Variants in BCKDK observed in about 807,000 individuals in gnomAD.
BCKDK encodes branched-chain alpha-ketoacid dehydrogenase kinase.
A neutral mutation model predicts 43.9 loss-of-function variants in BCKDK; 28 were observed. The observed-to-expected ratio is 0.64, with a 90% CI of 0.47 to 0.87. The LOEUF is 0.87. BCKDK is among the 40% of genes least tolerant of loss of function. BCKDK has a pLI of 0.00. For missense variants in BCKDK, 483 were observed against 581.4 expected (o/e 0.83, Z 1.74); for synonymous variants, 257 against 234.3 (o/e 1.10, Z -0.88).
Position 31,109,897 on chromosome 16 carries a change from G to A in BCKDK, c.375+114G>A, listed in dbSNP as rs1861982726. On this transcript the variant is annotated intron_variant, in intron 4 of 11. Transcript: ENST00000219794. The surrounding 1 kb of genome is among the most constrained non-coding windows in gnomAD (Gnocchi z 5.3). ...GCCTAAAGGTGTCAGGGCCACACAG[G>A]ATTCAACCCCAGGCCTTCAGAAGCC... 1 of 1,380,084 alleles carries A rather than the reference G, an allele frequency of 7.2e-7. No individual in the cohort carries two copies. Among genetic ancestry groups the A allele is most frequent in the Admixed American group, 1.9e-5 (1 of 53,764 alleles). The allele number at this position is 1,380,084 out of a possible 1,614,324, so 85.5% of individuals were successfully genotyped here.
In BCKDK at chr16:31,110,948, C is replaced by T. The variant is rs1416402939; in HGVS notation, c.717-143C>T. The T allele has an allele frequency of 1.4e-6, 2 of 1,406,096 alleles. No individual in the cohort carries two copies. The highest frequency in any genetic ancestry group is 4.1e-5 in the Admixed American group (2 of 49,186). The allele number at this position is 1,406,096 out of a possible 1,614,324, so 87.1% of individuals were successfully genotyped here. ...GCACGTTAGGAAGTTCAGCAGCATC[C>T]CTGGCGCCAGCAGTACTGCCTAGTT... On this transcript the variant is annotated intron_variant, in intron 8 of 11. Coordinates refer to ENST00000219794, the MANE Select transcript of BCKDK (RefSeq NM_005881.4). This position sits in a 1 kb window ranked among gnomAD's most constrained non-coding sequence, Gnocchi z 5.4.
downstream of BCKDK, among the ~76,000 whole-genome samples, chr16:31,114,315 C>T (rs1006145517): frequency 2.3e-5 from 3 of 128,444 alleles, no homozygotes; most frequent in Non-Finnish European, 4.8e-5. Flanking sequence ...CAGGTTCAAG[C>T]GATTCTCCTG....
At chr16:31,114,298 C>A (rs112221487), downstream of BCKDK, among the ~76,000 whole-genome samples, 2 of 148,810 alleles carry the variant, frequency 1.3e-5, no homozygotes, top group African/African-American at 2.5e-5. Flanking sequence ...CCACCCCCCC[C>A]CAACCCCAGG....
In BCKDK at chr16:31,110,671, CT is replaced by C; in HGVS notation, c.643-16del. The C allele has an allele frequency of 6.2e-7, 1 of 1,613,908 alleles. No homozygotes were observed. The highest frequency in any genetic ancestry group is 8.5e-7 in the Non-Finnish European group (1 of 1,179,838). On this transcript the variant is annotated splice_polypyrimidine_tract_variant and intron_variant, in intron 7 of 11. Coordinates refer to ENST00000219794, the MANE Select transcript of BCKDK (RefSeq NM_005881.4). This position sits in a 1 kb window ranked among gnomAD's most constrained non-coding sequence, Gnocchi z 5.4. Reference sequence around the variant, plus strand: ...GGCTAGGGGCGTGGGTAGTCCTGACCTCCTTTCTCCGGCCAGCCTGACTTTG... The same window carrying C: ...GGCTAGGGGCGTGGGTAGTCCTGACCCCTTTCTCCGGCCAGCCTGACTTTG...
chr16:31,111,760 C>T, intron 10 of BCKDK, 109 bp from the exon 11 acceptor site: 1 of 1,459,060 alleles, frequency 6.9e-7, no homozygotes, highest in South Asian at 1.3e-5. Context: ...GACCACATTC[C>T]AGCTCTGGGT....
chr16:31,109,434 GC>G lies in BCKDK; in HGVS notation c.195+18del. 1 of 1,612,016 alleles carries G rather than the reference GC, an allele frequency of 6.2e-7. No individual in the cohort carries two copies. The highest frequency in any genetic ancestry group is 1.1e-5 in the South Asian group (1 of 90,970). The stretch of plus-strand genomic sequence containing the variant: ...AGCGGAGAAGGTGCGCAAGGGGGCA[GC>G]CAGCCCAGGGTCCGGGATGTAGGCG... On this transcript the variant is annotated intron_variant, in intron 2 of 11. Coordinates refer to ENST00000219794, the MANE Select transcript of BCKDK (RefSeq NM_005881.4). This position sits in a 1 kb window ranked among gnomAD's most constrained non-coding sequence, Gnocchi z 5.3.
chr16:31,115,953 AG>A (rs1193577528), downstream of BCKDK: 1 of 152,160 alleles, frequency 6.6e-6, no homozygotes, highest in African/African-American at 2.4e-5. Flanking sequence ...TGACTCTCAC[AG>A]AACCCTCAGT....
chr16:31,111,846 C>T (rs1218091638), intron 10 of BCKDK, 23 bp from the exon 11 acceptor site: 1 of 1,613,592 alleles, frequency 6.2e-7, no homozygotes, highest in South Asian at 1.1e-5. Flanking sequence ...GAGCCAAGCC[C>T]ATTGTTGTTG....
Position 31,111,106 on chromosome 16 carries a change from C to T in BCKDK, c.732C>T (p.His244=), listed in dbSNP as rs1243672543. The T allele has an allele frequency of 3.0e-5, 49 of 1,614,152 alleles. No homozygotes were observed. Among genetic ancestry groups the T allele is most frequent in the Non-Finnish European group, 3.9e-5 (46 of 1,180,018 alleles). The change falls in exon 9 of 12, where the codon CAC becomes CAT. Residue 244 remains histidine (H), a synonymous_variant. Coordinates refer to ENST00000219794, the MANE Select transcript of BCKDK (RefSeq NM_005881.4). ...CTATCCGCAGACGCCTGTGTGAGCA[C>T]AAGTATGGCAATGCGCCCCGTGTCC... ...WVDFARRLCE[H]KYGNAPRVRI...
chr16:31,111,077 G>T lies in BCKDK; in HGVS notation c.717-14G>T. ...TGGAGGGGCCCCTGACTGAACCCTCGCTCCTATCCGCAGACGCCTGTGTGA... is the reference window on the plus strand; with the variant it reads ...TGGAGGGGCCCCTGACTGAACCCTCTCTCCTATCCGCAGACGCCTGTGTGA... On this transcript the variant is annotated splice_polypyrimidine_tract_variant and intron_variant, in intron 8 of 11. Coordinates refer to ENST00000219794, the MANE Select transcript of BCKDK (RefSeq NM_005881.4). The T allele has an allele frequency of 5.0e-6, 8 of 1,613,520 alleles. No individual in the cohort carries two copies. Among genetic ancestry groups the T allele is most frequent in the Non-Finnish European group, 6.8e-6 (8 of 1,179,870 alleles).
chr16:31,116,942 G>T, downstream of BCKDK, among the ~76,000 whole-genome samples: 1 of 99,172 alleles, frequency 1.0e-5, no homozygotes, highest in African/African-American at 3.6e-5. Context: ...GGGGGGGCGG[G>T]GAGCGACATT....
rs769054677 is a variant in BCKDK at position 31,112,048 on chromosome 16, G to A, written c.1094+21G>A. ...CACGGGTGAGACCCTGCCAGGCCAG[G>A]ATGGAGGGGTGGGGGACCCCAGGAG... On this transcript the variant is annotated intron_variant, in intron 11 of 11. Transcript: ENST00000219794. This position sits in a 1 kb window ranked among gnomAD's most constrained non-coding sequence, Gnocchi z 5.0. The A allele has an allele frequency of 3.3e-5, 53 of 1,613,544 alleles. No homozygotes were observed. The highest frequency in any genetic ancestry group is 4.5e-5 in the Non-Finnish European group (53 of 1,179,758).
chr16:31,111,415 G>A, intron 10 of BCKDK, 26 bp downstream of exon 10: 1 of 1,606,866 alleles, frequency 6.2e-7, no homozygotes, highest in Non-Finnish European at 8.5e-7. Flanking sequence ...GAGTTGAGCT[G>A]AGGTGGATGG....
downstream of BCKDK, chr16:31,117,358 G>A (rs1325831014): frequency 1.2e-5 from 1 of 86,106 alleles, no homozygotes; most frequent in Non-Finnish European, 2.6e-5. Context: ...GACAGAGCAT[G>A]ATTCCGTCTC....
In BCKDK at chr16:31,109,191, CT is replaced by C. The variant is rs747992653; in HGVS notation, c.-32del. 895 of 1,483,620 alleles carry C rather than the reference CT, an allele frequency of 6.0e-4. No homozygotes were observed. The highest frequency in any genetic ancestry group is 7.4e-4 in the Non-Finnish European group (829 of 1,121,722). The allele number at this position is 1,483,620 out of a possible 1,614,324, so 91.9% of individuals were successfully genotyped here. A position where few individuals can be genotyped will look rare whatever the true frequency, so the allele number is the denominator to read the frequency against. ...CCTCAGTCCTAGCGGATCCTCAGTCCTAGCGGCCACCGGGTCTGAAAGGAGC... is the reference window on the plus strand; with the variant it reads ...CCTCAGTCCTAGCGGATCCTCAGTCCAGCGGCCACCGGGTCTGAAAGGAGC... On this transcript the variant is annotated 5_prime_UTR_variant, in exon 2 of 12. Transcript: ENST00000219794. This position sits in a 1 kb window ranked among gnomAD's most constrained non-coding sequence, Gnocchi z 5.3.
At chr16:31,117,639 G>C, downstream of BCKDK, 1 of 1,356,794 alleles carries the variant, frequency 7.4e-7, no homozygotes, top group Non-Finnish European at 9.5e-7. Flanking sequence ...GGAGCCAAAA[G>C]AACTGCGTGG....
At position 31,111,160 on chromosome 16, in the gene BCKDK, C is replaced by T; in HGVS notation, c.786C>T (p.Phe262=). ...TCAATGGCCATGTGGCTGCCCGGTT[C>T]CCCTTCATCCCTATGCCACTGGACT... ...VRINGHVAAR[F]PFIPMPLDYI... The change falls in exon 9 of 12, where the codon TTC becomes TTT. Residue 262 remains phenylalanine (F), a synonymous_variant. Coordinates refer to ENST00000219794, the MANE Select transcript of BCKDK (RefSeq NM_005881.4). The T allele has an allele frequency of 6.2e-7, 1 of 1,614,170 alleles. No individual in the cohort carries two copies. The highest frequency in any genetic ancestry group is 8.5e-7 in the Non-Finnish European group (1 of 1,180,022).
chr16:31,114,844 G>A (rs941939481), downstream of BCKDK, among the ~76,000 whole-genome samples: 1 of 152,238 alleles, frequency 6.6e-6, no homozygotes, highest in Non-Finnish European at 1.5e-5. Flanking sequence ...CAGATATGAA[G>A]TCAGCTCTTC....
chr16:31,109,316 G>C lies in BCKDK; in HGVS notation c.93G>C (p.Ser31=). 6.2e-7 allele frequency: 1 copy of C among 1,608,298 alleles called. No individual in the cohort carries two copies. The highest frequency in any genetic ancestry group is 8.5e-7 in the Non-Finnish European group (1 of 1,177,390). The change falls in exon 2 of 12, where the codon TCG becomes TCC. Residue 31 remains serine, a synonymous_variant. Transcript: ENST00000219794. The surrounding 1 kb of genome is among the most constrained non-coding windows in gnomAD (Gnocchi z 5.3). ...LGPALALRAR[S]TSATDTHHVE... ...CCGCACTCGCGCTCCGGGCCCGCTC[G>C]ACGTCGGCCACCGACACACACCACG...
Sources: gnomAD v4.1 joint callset for allele counts (sites outside exome capture counted in the v4.1 genomes callset) on GRCh38, gnomAD v4.1.1 for gene constraint, Gnocchi (gnomAD v3.1) non-coding constraint, MANE v1.5 for transcripts, NCBI Gene and HGNC (gene_info 2026-07-23, HGNC 2026-07-21) for gene names.